The following ZNF718 variants were observed in gnomAD, a reference collection of about 807,000 sequenced individuals.
ZNF718 encodes the protein zinc finger protein 718.
ZNF718 carries 3 observed loss-of-function variants against 2.6 expected under a neutral mutation model. The ratio of observed to expected loss-of-function variants is 1.16; its 90% CI spans 0.53 to 3.01. The LOEUF (loss-of-function observed/expected upper bound fraction) is 3.01, where lower values mean the gene tolerates loss of function less well. Ranked by LOEUF, ZNF718 falls within the 30% of genes most tolerant of loss-of-function variation. The pLI is 0.03. For synonymous variants in ZNF718, 135 were observed against 77.9 expected, an observed-to-expected ratio of 1.73 and a Z score of -3.86; for missense variants, 468 against 230.0, an observed-to-expected ratio of 2.03 and a Z score of -6.69.
At chr4:197,684 C>A (rs1462191188) in intron 3 of ZNF718, among the ~76,000 whole-genome samples, 2 of 152,136 alleles carry the variant, frequency 1.3e-5, no homozygotes, top group African/African-American at 4.8e-5. Flanking sequence ...ATGGAAGGCA[C>A]CAAAAATCTC....
Position 124,502 on chromosome 4 carries a change from G to C in ZNF718, c.-169G>C, listed in dbSNP as rs957932051. 46 of 901,350 alleles carry C rather than the reference G, an allele frequency of 5.1e-5. No homozygotes were observed. The East Asian group carries it at 1.2e-3, about 23-fold the overall frequency. 55.8% of individuals were successfully genotyped at this position (901,350 alleles called of 1,614,324 possible). On this transcript the variant is annotated 5_prime_UTR_variant, in exon 1 of 4. Transcript: ENST00000510175. The stretch of plus-strand genomic sequence containing the variant: ...GGTGCGGCATCCGGGATCTGGCGCG[G>C]CTTTTGCTTGTAGCTCCAGCCAGAG...
chr4:159,038 T>TC (rs1553814329), intron 3 of ZNF718, among the ~76,000 whole-genome samples: 6 of 150,862 alleles, frequency 4.0e-5, no homozygotes, highest in African/African-American at 1.5e-4. Flanking sequence ...TTTTTCTTTT[T>TC]TCTTTTTTTT....
intron 3 of ZNF718, among the ~76,000 whole-genome samples, chr4:193,562 A>G (rs1291247333): frequency 6.6e-6 from 1 of 152,166 alleles, no homozygotes; most frequent in Non-Finnish European, 1.5e-5. Flanking sequence ...ATGTGAAAAG[A>G]GTAAAGTTCC....
At chr4:175,852 CTTTTTTT>C in intron 3 of ZNF718, among the ~76,000 whole-genome samples, 1 of 98,932 alleles carries the variant, frequency 1.0e-5, no homozygotes. Context: ...GATTAACAGT[CTTTTTTT>C]TTTTTTTTTT....
intron 3 of ZNF718, among the ~76,000 whole-genome samples, chr4:144,245 G>T (rs575965482): frequency 6.6e-6 from 1 of 152,196 alleles, no homozygotes; most frequent in East Asian, 1.9e-4. Context: ...CTTGCTTTGT[G>T]TATTTTGTCC....
chr4:131,579 T>C (rs1715350246), intron 3 of ZNF718, 74 bp downstream of exon 3: 1 of 289,666 alleles, frequency 3.5e-6, no homozygotes, highest in Non-Finnish European at 6.2e-6. Context: ...GGCCTTCAAA[T>C]GTTGTTTGAG....
At chr4:174,897 G>A (rs1717317370) in intron 3 of ZNF718, among the ~76,000 whole-genome samples, 2 of 152,096 alleles carry the variant, frequency 1.3e-5, no homozygotes, top group South Asian at 4.1e-4. Context: ...CCTCCTGAAG[G>A]CCATAACCTT....
chr4:179,266 T>A (rs1553819499), intron 3 of ZNF718, among the ~76,000 whole-genome samples: 1 of 152,218 alleles, frequency 6.6e-6, no homozygotes, highest in Non-Finnish European at 1.5e-5. Context: ...TATGCCAATA[T>A]CACAATGGTT....
rs1467515893 is a variant in ZNF718, at chr4:162,405, CTT to C, written c.*285_*286del. The C allele has an allele frequency of 7.0e-6, 2 of 285,814 alleles. No homozygotes were observed. Among genetic ancestry groups the C allele is most frequent in the Non-Finnish European group, 1.3e-5 (2 of 153,600 alleles). The allele number at this position is 285,814 out of a possible 1,614,324, so 17.7% of individuals were successfully genotyped here. The stretch of plus-strand genomic sequence containing the variant: ...AAACCTTTAACCAATGCTCATATCT[CTT>C]TGCACATGATAGCATTTATACTTGA... On this transcript the variant is annotated 3_prime_UTR_variant, in exon 4 of 4. Coordinates refer to ENST00000510175, the MANE Select transcript of ZNF718 (RefSeq NM_001039127.6).
At chr4:141,414 A>G (rs1715806064) in intron 3 of ZNF718, among the ~76,000 whole-genome samples, 1 of 152,258 alleles carries the variant, frequency 6.6e-6, no homozygotes, top group South Asian at 2.1e-4. Context: ...AATAAAAAGT[A>G]TTGTAAAAAT....
chr4:145,282 T>A (rs1716000351), intron 3 of ZNF718, among the ~76,000 whole-genome samples: 1 of 152,210 alleles, frequency 6.6e-6, no homozygotes, highest in Non-Finnish European at 1.5e-5. Flanking sequence ...TCTGACCAGT[T>A]AGTAGTTTCT....
Position 162,349 on chromosome 4 carries a change from G to C in ZNF718, c.*227G>C. 1 of 405,184 alleles carries C rather than the reference G, an allele frequency of 2.5e-6. No individual in the cohort carries two copies. The highest frequency in any genetic ancestry group is 7.1e-5 in the South Asian group (1 of 14,088). 25.1% of individuals were successfully genotyped at this position (405,184 alleles called of 1,614,324 possible). A position where few individuals can be genotyped will look rare whatever the true frequency, so the allele number is the denominator to read the frequency against. On this transcript the variant is annotated 3_prime_UTR_variant, in exon 4 of 4. Coordinates refer to ENST00000510175, the MANE Select transcript of ZNF718 (RefSeq NM_001039127.6). The stretch of plus-strand genomic sequence containing the variant: ...ATTACTGAATATAATTCTTACTGCA[G>C]AAAACCCCTAGGAATATTAAAAGTG...
chr4:129,892 T>C lies in ZNF718; in HGVS notation c.4-896T>C, dbSNP rs1180638583. ...CAGGATGTTATAGTATTAACACACA[T>C]AATGTGAACTTCCCAGCACACTGCT... On this transcript the variant is annotated intron_variant, in intron 1 of 3. Transcript: ENST00000510175. Among the ~76,000 whole-genome samples the C allele has an allele frequency of 4.8e-5, 5 of 104,416 alleles. 2 individuals are homozygous for C. Among genetic ancestry groups the C allele is most frequent in the East Asian group, 5.3e-4 (1 of 1,874 alleles). 68.5% of individuals were successfully genotyped at this position (104,416 alleles called of 152,430 possible).
chr4:168,240 G>T (rs1553817282), downstream of ZNF718, among the ~76,000 whole-genome samples: 1 of 152,192 alleles, frequency 6.6e-6, no homozygotes, highest in Non-Finnish European at 1.5e-5. Context: ...TGTGCTGCTG[G>T]ATTCGGTTTG....
chr4:191,217 C>T lies in ZNF718; in HGVS notation c.227-9864C>T, dbSNP rs191095782. Among the ~76,000 whole-genome samples, 990 of 140,088 alleles carry T rather than the reference C, an allele frequency of 7.1e-3. 5 individuals are homozygous for T. The highest frequency in any genetic ancestry group is 0.011 in the Non-Finnish European group (721 of 66,228). 91.9% of individuals were successfully genotyped at this position (140,088 alleles called of 152,430 possible). A position where few individuals can be genotyped will look rare whatever the true frequency, so the allele number is the denominator to read the frequency against. On this transcript the variant is annotated intron_variant and NMD_transcript_variant, in intron 3 of 4. Coordinates refer to the ZNF718 transcript ENST00000642529. ...AGGCTGGAGTGCGGTGGTGTCATCT[C>T]GGCTCACTGCAACCTCCGCTTCCGG...
rs1553815284 is a variant in ZNF718, at chr4:161,660, C to G, written c.975C>G (p.Asp325Glu). 1.3e-6 allele frequency: 1 copy of G among 779,552 alleles called. No homozygotes were observed. The highest frequency in any genetic ancestry group is 2.4e-6 in the Non-Finnish European group (1 of 417,294). 48.3% of individuals were successfully genotyped at this position (779,552 alleles called of 1,614,324 possible). ...ECGNVFTTSSDFAKHKRIHTG... is the reference protein window; with the variant it reads ...ECGNVFTTSSEFAKHKRIHTG... ...GCAATGTCTTTACCACATCCTCAGA[C>G]TTTGCTAAACATAAGAGAATTCATA... Residue 325 changes from aspartate (D) to glutamate (E), a missense_variant, in exon 4 of 4, where the codon GAC becomes GAG. By Grantham distance (45) the Asp-to-Glu change is conservative. Transcript: ENST00000510175.
chr4:179,240 A>G (rs1338014597), intron 3 of ZNF718, among the ~76,000 whole-genome samples: 3 of 152,098 alleles, frequency 2.0e-5, no homozygotes, highest in Non-Finnish European at 4.4e-5. Context: ...TGTTCCATCA[A>G]CCATTTGTTT....
chr4:150,684 A>G (rs1424975620), intron 3 of ZNF718, among the ~76,000 whole-genome samples: 2 of 152,198 alleles, frequency 1.3e-5, no homozygotes, highest in Admixed American at 6.6e-5. Context: ...TATATTGGCT[A>G]TTATAAATAG....
At chr4:184,979 T>G (rs555588761) in intron 3 of ZNF718, among the ~76,000 whole-genome samples, 13 of 152,202 alleles carry the variant, frequency 8.5e-5, no homozygotes, top group African/African-American at 2.9e-4. Context: ...TTTTGAAGGG[T>G]TTTTTTGTGT....
Sources: allele counts gnomAD v4.1 joint callset (sites outside exome capture counted in the v4.1 genomes callset), GRCh38; gene constraint gnomAD v4.1.1; transcripts MANE v1.5; gene names NCBI Gene and HGNC (gene_info 2026-07-23, HGNC 2026-07-21).